CNTN1: variants seen among roughly 807,000 people sequenced by gnomAD.
The protein encoded by CNTN1 is contactin-1.
A neutral mutation model predicts 126.4 loss-of-function variants in CNTN1; 38 were observed. That is an observed-to-expected ratio of 0.30 (90% confidence interval 0.23 to 0.39). The LOEUF (loss-of-function observed/expected upper bound fraction) is 0.39. Ranked by LOEUF, CNTN1 falls within the 10% of genes least tolerant of loss-of-function variation. The pLI is 1.00. For synonymous variants in CNTN1, 413 were observed against 422.6 expected, an observed-to-expected ratio of 0.98 and a Z score of 0.28; for missense variants, 1,009 against 1,248.4, an observed-to-expected ratio of 0.81 and a Z score of 2.89.
chr12:40,694,389 C>T (rs978859371), intron 1 of CNTN1, among the ~76,000 whole-genome samples: 5 of 152,212 alleles, frequency 3.3e-5, no homozygotes, highest in East Asian at 3.8e-4. Context: ...TTCCTGATGA[C>T]AACCTTTCCA....
At chr12:40,855,315 A>T (rs914196368) in intron 1 of CNTN1, among the ~76,000 whole-genome samples, 7 of 152,108 alleles carry the variant, frequency 4.6e-5, no homozygotes, top group African/African-American at 1.7e-4. Flanking sequence ...TTGCCATTTT[A>T]AATTGTCTGT....
intron 15 of CNTN1, chr12:40,971,656 T>TAAAC: frequency 1.4e-6 from 2 of 1,459,160 alleles, no homozygotes; most frequent in Non-Finnish European, 1.8e-6. Flanking sequence ...TTGAAACATG[T>TAAAC]AAACATACTT....
In CNTN1 at chr12:41,051,133, T is replaced by C. The variant is rs188850571; in HGVS notation, c.2981-18826T>C. On this transcript the variant is annotated intron_variant, in intron 23 of 23. Coordinates refer to ENST00000551295, the MANE Select transcript of CNTN1 (RefSeq NM_001843.4). ...CAGTGAGCTGTGTTTTTAGAACATA[T>C]TGCTTTGTGATCTTTTTTTTTTTTT... 1.3e-3 allele frequency among the ~76,000 whole-genome samples: 197 copies of C among 151,534 alleles called. 1 individual carries two copies. Among genetic ancestry groups the C allele is most frequent in the African/African-American group, 4.6e-3 (190 of 41,246 alleles).
chr12:40,804,635 G>A (rs921054714), intron 1 of CNTN1, among the ~76,000 whole-genome samples: 2 of 151,924 alleles, frequency 1.3e-5, no homozygotes, highest in African/African-American at 4.8e-5. Flanking sequence ...GGTAGGAAAG[G>A]CAAATTTTAA....
At chr12:40,786,485 C>T (rs1381150215) in intron 1 of CNTN1, among the ~76,000 whole-genome samples, 2 of 152,082 alleles carry the variant, frequency 1.3e-5, no homozygotes, top group Non-Finnish European at 2.9e-5. Context: ...CCAAGGTGAT[C>T]CCTTCATTTT....
At chr12:40,993,930 G>A (rs886727285) in intron 17 of CNTN1, among the ~76,000 whole-genome samples, 15 of 152,002 alleles carry the variant, frequency 9.9e-5, no homozygotes, top group Non-Finnish European at 1.8e-4. Context: ...CCATTACCCC[G>A]TGGAACCAGC....
At chr12:40,717,036 T>C (rs1942069179) in intron 1 of CNTN1, among the ~76,000 whole-genome samples, 1 of 151,790 alleles carries the variant, frequency 6.6e-6, no homozygotes, top group Non-Finnish European at 1.5e-5. Context: ...AAGTCTTTTG[T>C]ACATATTTTT....
chr12:40,947,174 T>C (rs1040111713), intron 14 of CNTN1, among the ~76,000 whole-genome samples: 4 of 152,028 alleles, frequency 2.6e-5, no homozygotes, highest in African/African-American at 9.7e-5. Context: ...CTAGTACTGA[T>C]TATAGAAAAA....
chr12:40,827,095 C>T (rs1168477054), intron 1 of CNTN1, among the ~76,000 whole-genome samples: 2 of 151,952 alleles, frequency 1.3e-5, no homozygotes, highest in African/African-American at 4.8e-5. Context: ...TTTGCAAATA[C>T]TGTTACGACA....
At position 40,874,588 on chromosome 12, in the gene CNTN1, G is replaced by A. The variant is rs957950145; in HGVS notation, c.-76-33769G>A. On this transcript the variant is annotated intron_variant, in intron 1 of 23. Transcript: ENST00000551295. ...ACCTGCTTTTTATGATAAATATGAC[G>A]CTTGCAAAATCCATCATAATTGACA... 5.3e-5 allele frequency among the ~76,000 whole-genome samples: 8 copies of A among 152,032 alleles called. No individual in the cohort carries two copies. In the South Asian group the frequency reaches 8.3e-4, roughly 16 times the overall value.
At chr12:40,990,011 G>A (rs1244950108) in intron 16 of CNTN1, among the ~76,000 whole-genome samples, 1 of 151,804 alleles carries the variant, frequency 6.6e-6, no homozygotes, top group East Asian at 1.9e-4. Context: ...AGAAGTGAAA[G>A]CAGCTTAGAG....
intron 18 of CNTN1, among the ~76,000 whole-genome samples, chr12:41,015,180 T>C (rs1023431213): frequency 1.0e-5 from 1 of 97,366 alleles, no homozygotes; most frequent in Non-Finnish European, 2.0e-5. Flanking sequence ...TTAAATCACA[T>C]TTTAAAGCAA....
At chr12:40,866,006 A>G (rs1943282396) in intron 1 of CNTN1, among the ~76,000 whole-genome samples, 1 of 152,046 alleles carries the variant, frequency 6.6e-6, no homozygotes, top group Non-Finnish European at 1.5e-5. Flanking sequence ...AATGTTTTGT[A>G]GTTTTCAGTG....
chr12:41,050,636 C>T (rs1949654549), intron 23 of CNTN1, among the ~76,000 whole-genome samples: 1 of 152,118 alleles, frequency 6.6e-6, no homozygotes, highest in African/African-American at 2.4e-5. Flanking sequence ...TATCATATGC[C>T]TTGATTATTT....
At chr12:41,038,476 G>A (rs576785180) in intron 23 of CNTN1, among the ~76,000 whole-genome samples, 20 of 152,158 alleles carry the variant, frequency 1.3e-4, no homozygotes, top group Admixed American at 4.6e-4. Context: ...AAGCATGTGT[G>A]TTGTACTTTC....
At chr12:41,012,731 G>T (rs1948691999) in intron 17 of CNTN1, among the ~76,000 whole-genome samples, 1 of 152,226 alleles carries the variant, frequency 6.6e-6, no homozygotes, top group Non-Finnish European at 1.5e-5. Context: ...TTTTATGGCT[G>T]AAGGGGGTCC....
intron 14 of CNTN1, among the ~76,000 whole-genome samples, chr12:40,956,843 C>A (rs1439721997): frequency 2.6e-5 from 4 of 151,784 alleles, no homozygotes; most frequent in Non-Finnish European, 5.9e-5. Flanking sequence ...TCTAGGTAAC[C>A]AATAGAGGAA....
chr12:40,908,890 G>A (rs1218829582), intron 2 of CNTN1, among the ~76,000 whole-genome samples: 1 of 152,072 alleles, frequency 6.6e-6, no homozygotes, highest in Non-Finnish European at 1.5e-5. Context: ...AACCACAATG[G>A]CAAAGAGAAT....
rs143711697 is a variant in CNTN1 at position 40,993,872 on chromosome 12, A to G, written c.2113+603A>G. Among the ~76,000 whole-genome samples the G allele has an allele frequency of 2.4e-3, 360 of 152,298 alleles. 4 individuals carry two copies. The highest frequency in any genetic ancestry group is 8.2e-3 in the African/African-American group (342 of 41,566). On this transcript the variant is annotated intron_variant, in intron 17 of 23. Coordinates refer to ENST00000551295, the MANE Select transcript of CNTN1 (RefSeq NM_001843.4). ...TACATGCGAACCACTGATAGTGAGCATATCACTTCTAGATATGATCTTAAG... is the reference window on the plus strand; with the variant it reads ...TACATGCGAACCACTGATAGTGAGCGTATCACTTCTAGATATGATCTTAAG...
Sources: allele counts gnomAD v4.1 joint callset (sites outside exome capture counted in the v4.1 genomes callset), GRCh38; gene constraint gnomAD v4.1.1; transcripts MANE v1.5; gene names NCBI Gene and HGNC (gene_info 2026-07-23, HGNC 2026-07-21).